Variants in WDPCP observed in about 807,000 individuals in gnomAD.
WDPCP encodes WD repeat containing planar cell polarity effector.
Under a neutral mutation model 93.1 loss-of-function variants are expected in WDPCP, and 71 were observed. That is an observed-to-expected ratio of 0.76 (90% CI 0.63 to 0.93). The LOEUF is 0.93. Ranked by LOEUF, WDPCP falls within the 40% of genes least tolerant of loss-of-function variation. WDPCP has a pLI of 0.00. For missense variants in WDPCP, 844 were observed against 887.4 expected (o/e 0.95, Z 0.62); for synonymous variants, 315 against 315.0 (o/e 1.00, Z 0.00).
intron 1 of WDPCP, among the ~76,000 whole-genome samples, chr2:63,515,646 C>G (rs1367997603): frequency 6.6e-6 from 1 of 152,180 alleles, no homozygotes; most frequent in Non-Finnish European, 1.5e-5. Flanking sequence ...TATGTTTGAT[C>G]AAGGAGAAAG....
chr2:63,344,255 G>A (rs981198537), intron 12 of WDPCP, among the ~76,000 whole-genome samples: 14 of 152,084 alleles, frequency 9.2e-5, no homozygotes, highest in African/African-American at 2.7e-4. Context: ...ATTTGTGGTC[G>A]GTGAAGTCTC....
At chr2:63,771,175 G>A (rs1670220859) in intron 2 of WDPCP, among the ~76,000 whole-genome samples, 2 of 151,580 alleles carry the variant, frequency 1.3e-5, no homozygotes, top group South Asian at 4.1e-4. Flanking sequence ...AAGAAAAAAA[G>A]AAATAAAGGC....
chr2:63,134,789 G>C lies in WDPCP; in HGVS notation c.2191-12733C>G, dbSNP rs1317193867. The stretch of plus-strand genomic sequence containing the variant: ...CATTGTGGCTGAGTATAGGGAAATT[G>C]CTGTGTATCTCAGTTAAGGTCCATT... On this transcript the variant is annotated intron_variant, in intron 17 of 17. Coordinates refer to ENST00000272321, the MANE Select transcript of WDPCP (RefSeq NM_015910.7). 5.9e-5 allele frequency among the ~76,000 whole-genome samples: 9 copies of C among 152,138 alleles called. No homozygotes were observed. The East Asian group carries it at 1.7e-3, about 29-fold the overall frequency.
intron 10 of WDPCP, among the ~76,000 whole-genome samples, chr2:63,391,429 A>C (rs1444954328): frequency 6.6e-6 from 1 of 152,224 alleles, no homozygotes; most frequent in Non-Finnish European, 1.5e-5. Flanking sequence ...ACCCACAGCC[A>C]ATATCATACT....
chr2:63,623,148 T>C (rs1709768146), intron 3 of WDPCP, among the ~76,000 whole-genome samples: 1 of 152,200 alleles, frequency 6.6e-6, no homozygotes, highest in African/African-American at 2.4e-5. Flanking sequence ...GAGAGATTTT[T>C]TCACCACCAG....
At chr2:63,666,425 G>A (rs1710283839) in intron 2 of WDPCP, among the ~76,000 whole-genome samples, 1 of 152,200 alleles carries the variant, frequency 6.6e-6, no homozygotes, top group African/African-American at 2.4e-5. Flanking sequence ...AGCTCTGAAA[G>A]CAGAGATGTG....
Position 63,762,026 on chromosome 2 carries a change from G to A in WDPCP, n.308+51596C>T, listed in dbSNP as rs186701389. On this transcript the variant is annotated intron_variant and non_coding_transcript_variant, in intron 2 of 4. Transcript: ENST00000467687. ...TAGAGATATTAGTAAAAGTCTTAGC[G>A]TGGTTCTTCAAGACCATTGCAAGAT... Among the ~76,000 whole-genome samples, 5 of 152,294 alleles carry A rather than the reference G, an allele frequency of 3.3e-5. No homozygotes were observed. In the East Asian group the frequency reaches 5.8e-4, roughly 18 times the overall value.
In WDPCP at chr2:63,381,937, A is replaced by G; in HGVS notation, c.1593T>C (p.Leu531=). The change falls in exon 11 of 18, where the codon CTT becomes CTC. Residue 531 remains leucine, a synonymous_variant. Coordinates refer to ENST00000272321, the MANE Select transcript of WDPCP (RefSeq NM_015910.7). ...TCTCTGGAGTGAGCTTCTGTCTAAGAAGATGGTTTACAATGGCGCTCATGC... is the reference window on the plus strand; with the variant it reads ...TCTCTGGAGTGAGCTTCTGTCTAAGGAGATGGTTTACAATGGCGCTCATGC... The part of the protein sequence containing the change: ...FISMSAIVNH[L]LRQKLTPERE... 3.7e-6 allele frequency: 6 copies of G among 1,613,496 alleles called. No individual in the cohort carries two copies. The highest frequency in any genetic ancestry group is 5.1e-6 in the Non-Finnish European group (6 of 1,179,688).
At chr2:63,471,406 G>A (rs570388458) in intron 6 of WDPCP, among the ~76,000 whole-genome samples, 4 of 152,266 alleles carry the variant, frequency 2.6e-5, no homozygotes, top group South Asian at 2.1e-4. Flanking sequence ...AAAGCAAGAC[G>A]TGCTTCATAT....
intron 15 of WDPCP, among the ~76,000 whole-genome samples, chr2:63,172,013 G>A (rs1419791464): frequency 6.6e-6 from 1 of 152,160 alleles, no homozygotes; most frequent in East Asian, 1.9e-4. Flanking sequence ...GAGACAGAAA[G>A]CAGAGCAATG....
At chr2:63,582,586 A>T (rs1460311755) in intron 1 of WDPCP, among the ~76,000 whole-genome samples, 1 of 152,172 alleles carries the variant, frequency 6.6e-6, no homozygotes, top group African/African-American at 2.4e-5. Context: ...CCCAAGCACA[A>T]GAAACATAAA....
intron 14 of WDPCP, among the ~76,000 whole-genome samples, chr2:63,223,693 A>G (rs1017519025): frequency 6.6e-6 from 1 of 152,128 alleles, no homozygotes; most frequent in African/African-American, 2.4e-5. Flanking sequence ...TATTTAATCC[A>G]TAAGGAATCG....
At chr2:63,747,887 T>C (rs966101396) in intron 2 of WDPCP, among the ~76,000 whole-genome samples, 1 of 152,110 alleles carries the variant, frequency 6.6e-6, no homozygotes, top group Admixed American at 6.6e-5. Flanking sequence ...CTTTATAATA[T>C]AGAATCTTCT....
At chr2:63,455,465 A>G (rs189342547) in intron 6 of WDPCP, among the ~76,000 whole-genome samples, 2 of 151,106 alleles carry the variant, frequency 1.3e-5, no homozygotes, top group Admixed American at 1.3e-4. Context: ...CACAGAAAGT[A>G]AAGGGATGGA....
At chr2:63,823,617 T>C (rs900240693) in intron 1 of WDPCP, among the ~76,000 whole-genome samples, 1 of 152,220 alleles carries the variant, frequency 6.6e-6, no homozygotes, top group Non-Finnish European at 1.5e-5. Context: ...TTTCTCTCTG[T>C]CTCTTTTTCC....
intron 12 of WDPCP, among the ~76,000 whole-genome samples, chr2:63,367,957 C>A (rs1421895405): frequency 6.6e-6 from 1 of 152,180 alleles, no homozygotes; most frequent in East Asian, 1.9e-4. Flanking sequence ...CTGAGGCCCA[C>A]AAACAATGTG....
chr2:63,187,552 A>G (rs1301083197), intron 14 of WDPCP, among the ~76,000 whole-genome samples: 1 of 152,200 alleles, frequency 6.6e-6, no homozygotes, highest in East Asian at 1.9e-4. Context: ...AAGTTATAAC[A>G]AATCTATTTT....
At chr2:63,208,905 T>G (rs973814535) in intron 14 of WDPCP, among the ~76,000 whole-genome samples, 9 of 152,200 alleles carry the variant, frequency 5.9e-5, no homozygotes, top group African/African-American at 9.6e-5. Flanking sequence ...TTGGAACACC[T>G]GCATTATTAT....
At chr2:63,789,259 A>AT (rs1040588734) in intron 2 of WDPCP, among the ~76,000 whole-genome samples, 5 of 151,834 alleles carry the variant, frequency 3.3e-5, no homozygotes, top group African/African-American at 9.7e-5. Flanking sequence ...ATTTGTCACA[A>AT]TTTTTTTTCT....
Sources: gnomAD v4.1 joint callset for allele counts (sites outside exome capture counted in the v4.1 genomes callset) on GRCh38, gnomAD v4.1.1 for gene constraint, MANE v1.5 for transcripts, NCBI Gene and HGNC (gene_info 2026-07-23, HGNC 2026-07-21) for gene names.